Variants in PARD3B observed in about 807,000 individuals in gnomAD.
PARD3B encodes partitioning defective 3 homolog B.
A neutral mutation model predicts 130.2 loss-of-function variants in PARD3B; 103 were observed. The ratio of observed to expected loss-of-function variants is 0.79; its 90% CI spans 0.67 to 0.93. The LOEUF (loss-of-function observed/expected upper bound fraction) is 0.93. PARD3B is among the 40% of genes least tolerant of loss of function. PARD3B has a pLI of 0.00. For synonymous variants in PARD3B, 583 were observed against 553.2 expected (o/e 1.05, Z -0.76); for missense variants, 1,609 against 1,499.2 (o/e 1.07, Z -1.21).
chr2:205,491,060 T>C (rs2049686683), intron 20 of PARD3B, among the ~76,000 whole-genome samples: 1 of 152,242 alleles, frequency 6.6e-6, no homozygotes, highest in Admixed American at 6.5e-5. Context: ...GTAGGTTGCC[T>C]GTTCACTCTG....
intron 2 of PARD3B, among the ~76,000 whole-genome samples, chr2:204,715,983 C>A (rs1302154056): frequency 6.6e-6 from 1 of 152,140 alleles, no homozygotes; most frequent in Non-Finnish European, 1.5e-5. Flanking sequence ...TCAAATAAGA[C>A]CATGGGTTTA....
At chr2:204,598,483 G>T (rs191468571) in intron 1 of PARD3B, among the ~76,000 whole-genome samples, 138 of 152,054 alleles carry the variant, frequency 9.1e-4, no homozygotes, top group South Asian at 7.5e-3. Context: ...CTATAGCCTC[G>T]ATTTCCTCAT....
At chr2:204,824,663 T>G (rs1227609124) in intron 2 of PARD3B, among the ~76,000 whole-genome samples, 1 of 152,200 alleles carries the variant, frequency 6.6e-6, no homozygotes, top group Non-Finnish European at 1.5e-5. Flanking sequence ...CCCAAATATT[T>G]AAGTAAAGAC....
intron 18 of PARD3B, among the ~76,000 whole-genome samples, chr2:205,379,010 G>C (rs777544778): frequency 9.9e-5 from 15 of 151,928 alleles, no homozygotes; most frequent in Middle Eastern, 3.4e-3. Flanking sequence ...CTCTGATTAA[G>C]AGTTATCAGT....
intron 2 of PARD3B, among the ~76,000 whole-genome samples, chr2:204,817,351 C>G (rs1324009575): frequency 6.6e-6 from 1 of 151,738 alleles, no homozygotes; most frequent in Non-Finnish European, 1.5e-5. Flanking sequence ...TGAGACACAG[C>G]TAGATTTATT....
At chr2:204,746,499 T>C (rs1574877132) in intron 2 of PARD3B, among the ~76,000 whole-genome samples, 1 of 152,256 alleles carries the variant, frequency 6.6e-6, no homozygotes, top group African/African-American at 2.4e-5. Context: ...ATATACCCAG[T>C]AATGGGATGG....
chr2:204,656,101 A>G (rs2035629683), intron 1 of PARD3B, among the ~76,000 whole-genome samples: 1 of 152,056 alleles, frequency 6.6e-6, no homozygotes, highest in Admixed American at 6.6e-5. Context: ...CTGGCACACT[A>G]TTATTTCTGC....
At chr2:205,079,456 A>C (rs947846019) in intron 4 of PARD3B, among the ~76,000 whole-genome samples, 1 of 152,216 alleles carries the variant, frequency 6.6e-6, no homozygotes, top group East Asian at 1.9e-4. Context: ...CTGTATCCTT[A>C]CATGACAGAA....
At chr2:205,126,702 C>T (rs1298849948) in intron 10 of PARD3B, among the ~76,000 whole-genome samples, 9 of 131,048 alleles carry the variant, frequency 6.9e-5, no homozygotes, top group Admixed American at 4.9e-4. Flanking sequence ...GCCGAGATTG[C>T]GCCACTGCAG....
intron 1 of PARD3B, among the ~76,000 whole-genome samples, chr2:204,585,042 G>T (rs1229922633): frequency 6.6e-6 from 1 of 152,198 alleles, no homozygotes; most frequent in African/African-American, 2.4e-5. Flanking sequence ...GACCAAGATG[G>T]TAGTGGAAGA....
At chr2:204,774,370 A>T (rs2041521684) in intron 2 of PARD3B, among the ~76,000 whole-genome samples, 1 of 152,040 alleles carries the variant, frequency 6.6e-6, no homozygotes, top group Non-Finnish European at 1.5e-5. Context: ...GTAATTGTTT[A>T]AAAAATGAAA....
At position 205,086,946 on chromosome 2, in the gene PARD3B, A is replaced by G. The variant is rs1701777404; in HGVS notation, c.505-17480A>G. 2.6e-5 allele frequency among the ~76,000 whole-genome samples: 4 copies of G among 152,364 alleles called. No individual in the cohort carries two copies. In the South Asian group the frequency reaches 8.3e-4, roughly 32 times the overall value. ...CATCGTAAAGCATGGTGTTGTAAAT[A>G]CAGCAGATAATTGAAATTTAGATTT... is the stretch of plus-strand genomic sequence containing the variant. On this transcript the variant is annotated intron_variant, in intron 4 of 22. Transcript: ENST00000406610.
intron 21 of PARD3B, among the ~76,000 whole-genome samples, chr2:205,524,857 C>CTATT (rs2051265500): frequency 6.6e-6 from 1 of 152,220 alleles, no homozygotes; most frequent in Admixed American, 6.5e-5. Flanking sequence ...ACCCATGGCA[C>CTATT]TATTTCCAAT....
intron 15 of PARD3B, among the ~76,000 whole-genome samples, chr2:205,213,698 A>G (rs960370096): frequency 2.6e-5 from 4 of 152,190 alleles, no homozygotes; most frequent in Non-Finnish European, 4.4e-5. Flanking sequence ...CCCAGAACAT[A>G]GCACCATACG....
At chr2:205,152,515 C>A (rs888314340) in intron 10 of PARD3B, among the ~76,000 whole-genome samples, 6 of 152,190 alleles carry the variant, frequency 3.9e-5, no homozygotes, top group African/African-American at 1.4e-4. Flanking sequence ...GATCTTCAAT[C>A]ACTGATACCC....
chr2:205,232,830 C>T (rs2038907987), intron 15 of PARD3B, among the ~76,000 whole-genome samples: 1 of 152,076 alleles, frequency 6.6e-6, no homozygotes, highest in Admixed American at 6.5e-5. Context: ...TGAATACACA[C>T]AGTAGAAATA....
chr2:205,175,167 G>A (rs2035397080), intron 12 of PARD3B, among the ~76,000 whole-genome samples: 1 of 152,104 alleles, frequency 6.6e-6, no homozygotes, highest in African/African-American at 2.4e-5. Flanking sequence ...TTGGGATATC[G>A]ATTGTGTCAT....
At chr2:205,400,012 G>A (rs946123508) in intron 18 of PARD3B, among the ~76,000 whole-genome samples, 3 of 152,122 alleles carry the variant, frequency 2.0e-5, no homozygotes, top group Admixed American at 6.5e-5. Flanking sequence ...TTCTTCACTG[G>A]TAAAATGAGA....
rs116386554 is a variant in PARD3B at position 204,962,740 on chromosome 2, G to A, written c.223-2412G>A. On this transcript the variant is annotated intron_variant, in intron 2 of 22. Transcript: ENST00000406610. ...TAAGTCTGTGTATATTGTAGATGTT[G>A]AGATGAAGACTGGATGCAGAGTCTC... Among the ~76,000 whole-genome samples, 824 of 152,296 alleles carry A rather than the reference G, an allele frequency of 5.4e-3. 3 individuals carry two copies. The highest frequency in any genetic ancestry group is 0.018 in the African/African-American group (759 of 41,572).
Sources: gnomAD v4.1 joint callset for allele counts (sites outside exome capture counted in the v4.1 genomes callset) on GRCh38, gnomAD v4.1.1 for gene constraint, MANE v1.5 for transcripts, NCBI Gene and HGNC (gene_info 2026-07-23, HGNC 2026-07-21) for gene names.